Variants in KDM7A observed in about 807,000 individuals in gnomAD.
The protein encoded by KDM7A is lysine-specific demethylase 7A.
A neutral mutation model predicts 114.8 loss-of-function variants in KDM7A; 28 were observed. That is an observed-to-expected ratio of 0.24 (90% CI 0.18 to 0.33). KDM7A has a LOEUF of 0.33. Ranked by LOEUF, KDM7A falls within the 10% of genes least tolerant of loss-of-function variation. The pLI, the probability that KDM7A is intolerant of heterozygous loss-of-function variation, is 1.00. For missense variants in KDM7A, 942 were observed against 1,142.5 expected (o/e 0.82, Z 2.53); for synonymous variants, 423 against 397.8 (o/e 1.06, Z -0.75).
chr7:140,171,564 T>C (rs996035539), intron 1 of KDM7A, among the ~76,000 whole-genome samples: 4 of 112,308 alleles, frequency 3.6e-5, no homozygotes, highest in African/African-American at 1.4e-4. Context: ...TTTATTTTTA[T>C]ATATTTATAT....
rs771848004 is a variant in KDM7A, at chr7:140,091,934, C to T, written c.2601G>A (p.Gly867=). 6.2e-7 allele frequency: 1 copy of T among 1,613,820 alleles called. No homozygotes were observed. The highest frequency in any genetic ancestry group is 1.1e-5 in the South Asian group (1 of 91,058). ...GACTGCCATTACTTATCTGGCACGC[C>T]CCCGAAGTCAGGTTTGAATTCTGCA... ...KYMQNSNLTS[G]ACQISNGSLS... The change falls in exon 19 of 20, where the codon GGG becomes GGA. Residue 867 remains glycine (G), a synonymous_variant. Transcript: ENST00000397560.
At chr7:140,102,461 C>CA (rs1219129909) in intron 11 of KDM7A, among the ~76,000 whole-genome samples, 1 of 151,816 alleles carries the variant, frequency 6.6e-6, no homozygotes, top group Non-Finnish European at 1.5e-5. Context: ...TGCCTCACCG[C>CA]AATCTCCACC....
At chr7:140,113,195 A>G (rs1818460816) in intron 10 of KDM7A, among the ~76,000 whole-genome samples, 1 of 152,262 alleles carries the variant, frequency 6.6e-6, no homozygotes, top group Non-Finnish European at 1.5e-5. Flanking sequence ...AGCACACTAT[A>G]GCACAACTGT....
chr7:140,176,605 G>C lies in KDM7A; in HGVS notation c.194+139C>G, dbSNP rs1460004529. On this transcript the variant is annotated intron_variant, in intron 1 of 19. Coordinates refer to ENST00000397560, the MANE Select transcript of KDM7A (RefSeq NM_030647.2). This position sits in a 1 kb window ranked among gnomAD's most constrained non-coding sequence, Gnocchi z 4.4. ...CACCGCGCGCCCCACTGCCCGGCCG[G>C]GGGGCTAGGCACCGGGGCCCCCTGA... 4.2e-5 allele frequency: 22 copies of C among 527,372 alleles called. No individual in the cohort carries two copies. The East Asian group carries it at 3.2e-3, about 76-fold the overall frequency. 32.7% of individuals were successfully genotyped at this position (527,372 alleles called of 1,614,324 possible).
intron 1 of KDM7A, among the ~76,000 whole-genome samples, chr7:140,166,304 C>G (rs375131673): frequency 1.3e-5 from 2 of 150,476 alleles, no homozygotes; most frequent in Admixed American, 6.6e-5. Flanking sequence ...GATAAAACTA[C>G]GTACATAAAA....
intron 12 of KDM7A, among the ~76,000 whole-genome samples, chr7:140,100,713 T>TATATATATATATATATATATATACAC (rs1562946056): frequency 1.4e-3 from 45 of 33,022 alleles, no homozygotes; most frequent in South Asian, 7.4e-3. Context: ...TATATACACA[T>TATATATATATATATATATATATACAC]ATATATATAT....
chr7:140,176,849 G>A lies in KDM7A; in HGVS notation c.89C>T (p.Ser30Leu). The change falls in exon 1 of 20, where the codon TCG (serine) becomes TTG (leucine). Residue 30 changes from serine to leucine, a missense_variant. Around this residue, in one of 4 missense-constraint regions of KDM7A, gnomAD observed 112 missense variants for 96.2 expected, o/e 1.16. Coordinates refer to ENST00000397560, the MANE Select transcript of KDM7A (RefSeq NM_030647.2). The surrounding 1 kb of genome is among the most constrained non-coding windows in gnomAD (Gnocchi z 4.4). ...CACGGGCGGGGGCGGCGGAGGCGCC[G>A]AGGCCCGGCCGGGAGCCGCCACCGA... ...AVSVAAPGRA[S>L]APPPPPPVYC... 7.6e-7 allele frequency: 1 copy of A among 1,313,392 alleles called. No homozygotes were observed. The highest frequency in any genetic ancestry group is 2.1e-4 in the Middle Eastern group (1 of 4,712). The allele number at this position is 1,313,392 out of a possible 1,614,324, so 81.4% of individuals were successfully genotyped here.
Position 140,126,623 on chromosome 7 carries a change from T to C in KDM7A, c.888+14A>G. 2 of 1,538,454 alleles carry C rather than the reference T, an allele frequency of 1.3e-6. No individual in the cohort carries two copies. Among genetic ancestry groups the C allele is most frequent in the Non-Finnish European group, 1.8e-6 (2 of 1,140,220 alleles). On this transcript the variant is annotated intron_variant, in intron 6 of 19. Transcript: ENST00000397560. Reference sequence around the variant, plus strand: ...TTTTTGTCAGTGAGAGAACAAAAAATACCCCAATCTTACCCAGAGGACATG... The same window carrying C: ...TTTTTGTCAGTGAGAGAACAAAAAACACCCCAATCTTACCCAGAGGACATG...
intron 1 of KDM7A, among the ~76,000 whole-genome samples, chr7:140,140,889 G>A (rs1794264666): frequency 6.6e-6 from 1 of 152,066 alleles, no homozygotes; most frequent in Non-Finnish European, 1.5e-5. Context: ...AAAAAAAGCT[G>A]TCATCTGCAA....
intron 2 of KDM7A, 82 bp downstream of exon 2, chr7:140,139,023 T>C: frequency 1.2e-6 from 1 of 856,398 alleles, no homozygotes. Context: ...CAGAGTATCA[T>C]TAAAGTATTA....
intron 1 of KDM7A, among the ~76,000 whole-genome samples, chr7:140,157,991 TA>T (rs1266248419): frequency 1.0e-4 from 11 of 110,264 alleles, no homozygotes; most frequent in South Asian, 2.5e-4. Flanking sequence ...AATAAATAAA[TA>T]AATAATAATA....
intron 1 of KDM7A, among the ~76,000 whole-genome samples, chr7:140,154,499 TAAAAA>T (rs397974321): frequency 5.4e-5 from 4 of 74,318 alleles, no homozygotes; most frequent in Non-Finnish European, 1.1e-4. Context: ...CTCTTAAAAT[TAAAAA>T]AAAAAAAAAA....
intron 1 of KDM7A, among the ~76,000 whole-genome samples, chr7:140,153,094 G>A (rs1402355867): frequency 6.6e-6 from 1 of 151,754 alleles, no homozygotes; most frequent in Admixed American, 6.6e-5. Flanking sequence ...TCCTGACCTC[G>A]TGATCCGCCC....
chr7:140,159,335 A>G (rs1252986537), intron 1 of KDM7A, among the ~76,000 whole-genome samples: 1 of 152,228 alleles, frequency 6.6e-6, no homozygotes, highest in Non-Finnish European at 1.5e-5. Context: ...CAACAGAGCA[A>G]AACTCCATAT....
intron 3 of KDM7A, among the ~76,000 whole-genome samples, chr7:140,131,822 A>C (rs1818791537): frequency 6.6e-6 from 1 of 152,180 alleles, no homozygotes; most frequent in South Asian, 2.1e-4. Context: ...TTTTTGCAAG[A>C]GGAAAATCTG....
rs1255521637 is a variant in KDM7A at position 140,096,741 on chromosome 7, T to C, written c.2188A>G (p.Thr730Ala). ...ATGCCCTGAATAGCTTCTTCCTCTG[T>C]GCTCGTCGAGGTAGGACATTCCCTA... is the stretch of plus-strand genomic sequence containing the variant. ...IKRECPTSTSTEEEAIQGMLS... is the reference protein window; with the variant it reads ...IKRECPTSTSAEEEAIQGMLS... The change falls in exon 17 of 20, where the codon ACA becomes GCA. Residue 730 changes from threonine (T) to alanine (A), a missense_variant. Transcript: ENST00000397560. 1 of 1,614,168 alleles carries C rather than the reference T, an allele frequency of 6.2e-7. No individual in the cohort carries two copies. The highest frequency in any genetic ancestry group is 8.5e-7 in the Non-Finnish European group (1 of 1,179,978).
intron 14 of KDM7A, among the ~76,000 whole-genome samples, chr7:140,098,503 T>C (rs1442094264): frequency 6.6e-6 from 1 of 152,224 alleles, no homozygotes; most frequent in African/African-American, 2.4e-5. Flanking sequence ...ATATACTTCC[T>C]AATTCTGAAA....
chr7:140,128,709 C>A (rs997421191), intron 4 of KDM7A, among the ~76,000 whole-genome samples: 3 of 152,190 alleles, frequency 2.0e-5, no homozygotes, highest in Non-Finnish European at 4.4e-5. Context: ...GATAAAGGGA[C>A]AAGTTCTCAG....
intron 7 of KDM7A, among the ~76,000 whole-genome samples, chr7:140,123,372 A>C (rs1818645634): frequency 6.6e-6 from 1 of 152,182 alleles, no homozygotes; most frequent in South Asian, 2.1e-4. Flanking sequence ...CCTCCACATA[A>C]AAAACTGTAT....
Sources: gnomAD v4.1 joint callset for allele counts (sites outside exome capture counted in the v4.1 genomes callset) on GRCh38, gnomAD v4.1.1 for gene constraint, gnomAD v4.1.1 regional missense constraint, Gnocchi (gnomAD v3.1) non-coding constraint, MANE v1.5 for transcripts, NCBI Gene and HGNC (gene_info 2026-07-23, HGNC 2026-07-21) for gene names.